Variants in CACNB4 observed in about 807,000 individuals in gnomAD.
CACNB4 encodes voltage-dependent L-type calcium channel subunit beta-4.
CACNB4 carries 32 observed loss-of-function variants against 71.2 expected under a neutral mutation model. The ratio of observed to expected loss-of-function variants is 0.45; its 90% CI spans 0.34 to 0.60. CACNB4 has a LOEUF of 0.60. Among genes scored for constraint, CACNB4 ranks in the 20% least tolerant of loss-of-function variants. The pLI is 0.01. For missense variants in CACNB4, 464 were observed against 647.9 expected (o/e 0.72, Z 3.08); for synonymous variants, 231 against 236.9 (o/e 0.97, Z 0.23).
rs117953805 is a variant in CACNB4 at position 152,079,990 on chromosome 2, C to T, written c.147+18340G>A. ...GAATCACAGGCATTTCTGAACCATACAGCAATAGCTCCTACATAATTGCTT... is the reference window on the plus strand; with the variant it reads ...GAATCACAGGCATTTCTGAACCATATAGCAATAGCTCCTACATAATTGCTT... On this transcript the variant is annotated intron_variant, in intron 2 of 13. Transcript: ENST00000539935. Among the ~76,000 whole-genome samples, 17 of 152,294 alleles carry T rather than the reference C, an allele frequency of 1.1e-4. No individual in the cohort carries two copies. In the East Asian group the frequency reaches 3.1e-3, roughly 28 times the overall value.
At chr2:151,964,717 A>G (rs1003096641) in intron 2 of CACNB4, among the ~76,000 whole-genome samples, 1 of 152,268 alleles carries the variant, frequency 6.6e-6, no homozygotes, top group Non-Finnish European at 1.5e-5. Flanking sequence ...ATGACAATAC[A>G]GAAAAATACC....
At chr2:152,039,682 G>C (rs2105237087) in intron 2 of CACNB4, among the ~76,000 whole-genome samples, 1 of 152,338 alleles carries the variant, frequency 6.6e-6, no homozygotes, top group African/African-American at 2.4e-5. Flanking sequence ...GTGCATGGCA[G>C]GCAGGCAAGG....
chr2:151,931,857 G>A (rs1223578636), intron 2 of CACNB4, among the ~76,000 whole-genome samples: 1 of 151,990 alleles, frequency 6.6e-6, no homozygotes, highest in Non-Finnish European at 1.5e-5. Flanking sequence ...GTAAGTTAAC[G>A]ACTAAAAAAC....
At chr2:151,867,638 G>A (rs1037065452) in intron 9 of CACNB4, 1 of 152,192 alleles carries the variant, frequency 6.6e-6, no homozygotes, top group African/African-American at 2.4e-5. Context: ...GTAGATGAAT[G>A]TGACGAAGGC....
At position 152,096,082 on chromosome 2, in the gene CACNB4, G is replaced by T. The variant is rs377050867; in HGVS notation, c.147+2248C>A. On this transcript the variant is annotated intron_variant, in intron 2 of 13. Coordinates refer to ENST00000539935, the MANE Select transcript of CACNB4 (RefSeq NM_000726.5). ...TAATCATTTTCCTTATCTCATCAAAGAAATGTAAATCCCTCAGTTATTTTT... is the reference window on the plus strand; with the variant it reads ...TAATCATTTTCCTTATCTCATCAAATAAATGTAAATCCCTCAGTTATTTTT... Among the ~76,000 whole-genome samples the T allele has an allele frequency of 5.3e-5, 8 of 152,316 alleles. No individual in the cohort carries two copies. In the East Asian group the frequency reaches 1.5e-3, roughly 29 times the overall value.
In CACNB4 at chr2:151,839,063, T is replaced by C. The variant is rs2099835513; in HGVS notation, c.*56A>G. 2.0e-6 allele frequency: 3 copies of C among 1,491,488 alleles called. No individual in the cohort carries two copies. The South Asian group carries it at 3.7e-5, about 18-fold the overall frequency. The allele number at this position is 1,491,488 out of a possible 1,614,324, so 92.4% of individuals were successfully genotyped here. On this transcript the variant is annotated 3_prime_UTR_variant, in exon 14 of 14. Coordinates refer to ENST00000539935, the MANE Select transcript of CACNB4 (RefSeq NM_000726.5). ...TAGCCAAGTTAAGATGATTGGTTTA[T>C]CCTAGCACTGCTATGGCAAATTGTC... is the stretch of plus-strand genomic sequence containing the variant.
chr2:151,930,193 G>A (rs537803752), intron 2 of CACNB4, among the ~76,000 whole-genome samples: 7 of 152,206 alleles, frequency 4.6e-5, no homozygotes, highest in African/African-American at 7.2e-5. Context: ...AAAGTTCTAC[G>A]TGTCATATAT....
intron 2 of CACNB4, among the ~76,000 whole-genome samples, chr2:152,030,779 A>T (rs1342412034): frequency 6.6e-6 from 1 of 152,232 alleles, no homozygotes; most frequent in Admixed American, 6.5e-5. Flanking sequence ...ACGTGAACTC[A>T]TCCTTTTTTA....
chr2:152,059,568 C>T (rs760689540), intron 2 of CACNB4, among the ~76,000 whole-genome samples: 7 of 152,234 alleles, frequency 4.6e-5, no homozygotes, highest in Admixed American at 1.3e-4. Flanking sequence ...ATTTATCCAA[C>T]GCCTGTATCC....
chr2:151,945,962 A>G (rs775141029), intron 2 of CACNB4, among the ~76,000 whole-genome samples: 1 of 151,890 alleles, frequency 6.6e-6, no homozygotes, highest in Non-Finnish European at 1.5e-5. Context: ...ACAAAGCACT[A>G]CATAAATGTT....
chr2:151,897,288 A>C (rs1364007996), intron 2 of CACNB4, among the ~76,000 whole-genome samples: 1 of 152,228 alleles, frequency 6.6e-6, no homozygotes, highest in Non-Finnish European at 1.5e-5. Context: ...GTCTGTTGTT[A>C]AAGATGTCAG....
intron 2 of CACNB4, among the ~76,000 whole-genome samples, chr2:152,090,487 T>C (rs565379109): frequency 5.6e-4 from 85 of 151,782 alleles, no homozygotes; most frequent in African/African-American, 2.0e-3. Context: ...TGTCTAAAAA[T>C]ACAAAATTAG....
intron 2 of CACNB4, among the ~76,000 whole-genome samples, chr2:152,093,005 G>C (rs1672943323): frequency 6.6e-6 from 1 of 152,044 alleles, no homozygotes; most frequent in African/African-American, 2.4e-5. Flanking sequence ...TCTCAAAATA[G>C]CTACTGTACT....
At chr2:151,915,154 T>G (rs2099857136) in intron 2 of CACNB4, among the ~76,000 whole-genome samples, 2 of 152,054 alleles carry the variant, frequency 1.3e-5, no homozygotes, top group Non-Finnish European at 2.9e-5. Flanking sequence ...ACATCCAGAT[T>G]CTGTCCCTAA....
chr2:152,054,549 C>G (rs932614568), intron 2 of CACNB4, among the ~76,000 whole-genome samples: 4 of 152,050 alleles, frequency 2.6e-5, no homozygotes, highest in African/African-American at 9.7e-5. Context: ...CTTGTATAGG[C>G]TTTTGTGTGG....
At chr2:151,955,729 A>AC (rs555747784) in intron 2 of CACNB4, among the ~76,000 whole-genome samples, 1 of 151,676 alleles carries the variant, frequency 6.6e-6, no homozygotes. Context: ...ACATAGTGAG[A>AC]CCCCATCTCC....
At chr2:152,005,738 G>A (rs1360485440) in intron 2 of CACNB4, among the ~76,000 whole-genome samples, 3 of 152,202 alleles carry the variant, frequency 2.0e-5, no homozygotes, top group African/African-American at 7.2e-5. Context: ...CAGCTTTCAG[G>A]AAACTCAGAG....
At chr2:151,840,985 C>A (rs1010548306) in intron 13 of CACNB4, among the ~76,000 whole-genome samples, 1 of 152,142 alleles carries the variant, frequency 6.6e-6, no homozygotes, top group Admixed American at 6.5e-5. Context: ...GAGTGCAATA[C>A]CAGAACAGCA....
At chr2:152,031,381 T>A (rs1684275635) in intron 2 of CACNB4, among the ~76,000 whole-genome samples, 1 of 152,206 alleles carries the variant, frequency 6.6e-6, no homozygotes, top group South Asian at 2.1e-4. Context: ...ATGCATGTAG[T>A]TCAGGCTGGT....
Sources: gnomAD v4.1 joint callset for allele counts (sites outside exome capture counted in the v4.1 genomes callset) on GRCh38, gnomAD v4.1.1 for gene constraint, MANE v1.5 for transcripts, NCBI Gene and HGNC (gene_info 2026-07-23, HGNC 2026-07-21) for gene names.